Variants in HEPACAM2 observed in about 807,000 individuals in gnomAD.
HEPACAM2 encodes HEPACAM family member 2.
HEPACAM2 carries 49 observed loss-of-function variants against 49.6 expected under a neutral mutation model. The ratio of observed to expected loss-of-function variants is 0.99; its 90% CI spans 0.78 to 1.25. HEPACAM2 has a LOEUF of 1.25. HEPACAM2 is among the 50% of genes most tolerant of loss of function. The pLI is 0.00. For synonymous variants in HEPACAM2, 197 were observed against 202.9 expected (o/e 0.97, Z 0.25); for missense variants, 525 against 557.2 (o/e 0.94, Z 0.58).
chr7:93,197,464 T>A, intron 5 of HEPACAM2, 21 bp downstream of exon 5: 1 of 1,581,264 alleles, frequency 6.3e-7, no homozygotes, highest in Non-Finnish European at 8.6e-7. Flanking sequence ...CTTCAATTTT[T>A]TTTTTGTAAT....
At chr7:93,225,464 C>T (rs1317236097) in intron 1 of HEPACAM2, among the ~76,000 whole-genome samples, 1 of 152,026 alleles carries the variant, frequency 6.6e-6, no homozygotes, top group Non-Finnish European at 1.5e-5. Context: ...CAAACTTTAA[C>T]AAAATATAGG....
intron 4 of HEPACAM2, among the ~76,000 whole-genome samples, chr7:93,206,127 T>C (rs1794022614): frequency 6.6e-6 from 1 of 152,098 alleles, no homozygotes; most frequent in Non-Finnish European, 1.5e-5. Context: ...CTTACTGTAG[T>C]ATACTTCTAC....
upstream of HEPACAM2, among the ~76,000 whole-genome samples, chr7:93,229,298 T>A: frequency 6.6e-6 from 1 of 152,226 alleles, no homozygotes; most frequent in Admixed American, 6.5e-5. Flanking sequence ...AGCCTTGATC[T>A]ATCTTATATG....
intron 8 of HEPACAM2, among the ~76,000 whole-genome samples, chr7:93,195,015 A>T (rs867443724): frequency 5.3e-5 from 8 of 149,740 alleles, no homozygotes; most frequent in Non-Finnish European, 1.2e-4. Context: ...ATAAAGATGT[A>T]TACTTGCATA....
chr7:93,189,267 T>C lies in HEPACAM2; in HGVS notation c.1389A>G (p.Ter463TrpextTer5), dbSNP rs1455660628. 2 of 1,597,016 alleles carry C rather than the reference T, an allele frequency of 1.3e-6. No individual in the cohort carries two copies. The highest frequency in any genetic ancestry group is 8.5e-7 in the Non-Finnish European group (1 of 1,169,860). ...IPAQQQDHPE[*>W] Reference sequence around the variant, plus strand: ...AATGTACTGTTTAGCCCATGAAAGTTCACCTAGTGAAGAGATATACAAAAT... The same window carrying C: ...AATGTACTGTTTAGCCCATGAAAGTCCACCTAGTGAAGAGATATACAAAAT... The change falls in exon 10 of 10, where the codon TGA becomes TGG. Residue 463 changes from the stop codon to tryptophan, a stop_lost. Coordinates refer to ENST00000394468, the MANE Select transcript of HEPACAM2 (RefSeq NM_001039372.4).
At chr7:93,221,752 A>G (rs1036645590) in intron 1 of HEPACAM2, among the ~76,000 whole-genome samples, 24 of 152,208 alleles carry the variant, frequency 1.6e-4, no homozygotes, top group Admixed American at 1.3e-4. Context: ...AAAGAAACAT[A>G]AAGACATGTC....
intron 2 of HEPACAM2, among the ~76,000 whole-genome samples, chr7:93,216,107 G>A (rs186650256): frequency 1.2e-4 from 19 of 152,272 alleles, no homozygotes; most frequent in African/African-American, 3.8e-4. Context: ...TGGGATGGAT[G>A]TGGTGAACTC....
chr7:93,223,923 C>T (rs1255485587), intron 1 of HEPACAM2, among the ~76,000 whole-genome samples: 3 of 152,122 alleles, frequency 2.0e-5, no homozygotes, highest in African/African-American at 7.2e-5. Flanking sequence ...TCTAGGAACA[C>T]ATACTCTCTT....
At chr7:93,205,955 A>G (rs1056283545) in intron 4 of HEPACAM2, among the ~76,000 whole-genome samples, 1 of 152,112 alleles carries the variant, frequency 6.6e-6, no homozygotes, top group African/African-American at 2.4e-5. Flanking sequence ...TGTACAGGTC[A>G]AACAGGTTTT....
At chr7:93,206,826 C>T (rs1439332450) in intron 4 of HEPACAM2, among the ~76,000 whole-genome samples, 2 of 152,000 alleles carry the variant, frequency 1.3e-5, no homozygotes, top group East Asian at 1.9e-4. Context: ...CTCCTGGTAC[C>T]AAGGAGTACC....
intron 3 of HEPACAM2, among the ~76,000 whole-genome samples, chr7:93,210,917 T>C (rs1313550991): frequency 6.6e-6 from 1 of 151,994 alleles, no homozygotes; most frequent in Non-Finnish European, 1.5e-5. Flanking sequence ...GCCAAGATTC[T>C]TTCTAACCCC....
intron 3 of HEPACAM2, among the ~76,000 whole-genome samples, chr7:93,214,761 G>A (rs1794259963): frequency 6.6e-6 from 1 of 152,170 alleles, no homozygotes; most frequent in Non-Finnish European, 1.5e-5. Context: ...ACTTGCACAT[G>A]TTGAAAGAAA....
At chr7:93,226,837 CATT>C (rs1235487052), upstream of HEPACAM2, among the ~76,000 whole-genome samples, 1 of 151,750 alleles carries the variant, frequency 6.6e-6, no homozygotes, top group African/African-American at 2.4e-5. Flanking sequence ...AGAACTATGC[CATT>C]ATTATTTTAA....
At chr7:93,195,949 C>T in intron 7 of HEPACAM2, 48 bp from the exon 8 acceptor site, 1 of 1,372,668 alleles carries the variant, frequency 7.3e-7, no homozygotes, top group Non-Finnish European at 1.0e-6. Context: ...CCTTGATTTG[C>T]TGTTGTTTTT....
chr7:93,224,943 T>C (rs1009800969), intron 1 of HEPACAM2, among the ~76,000 whole-genome samples: 1 of 152,160 alleles, frequency 6.6e-6, no homozygotes, highest in Non-Finnish European at 1.5e-5. Flanking sequence ...AAAGCAAAGA[T>C]TGCCAAGTCA....
rs764179545 is a variant in HEPACAM2 at position 93,215,524 on chromosome 7, A to G, written c.592T>C (p.Ser198Pro). 4.3e-6 allele frequency: 7 copies of G among 1,613,752 alleles called. No individual in the cohort carries two copies. Among genetic ancestry groups the G allele is most frequent in the Non-Finnish European group, 5.9e-6 (7 of 1,179,830 alleles). ...PVHTSSTYSF[S>P]PQNNTLHIAP... ...ATATGAAGGGTATTGTTTTGGGGAG[A>G]AAAGGAGTAGGTGGAGCTGGTGTGG... is the stretch of plus-strand genomic sequence containing the variant. Residue 198 changes from serine to proline, a missense_variant, in exon 3 of 10, where the codon TCT (serine) becomes CCT (proline). Transcript: ENST00000394468.
At chr7:93,226,085 A>T in intron 1 of HEPACAM2, 1 of 536,268 alleles carries the variant, frequency 1.9e-6, no homozygotes, top group African/African-American at 1.9e-5. Flanking sequence ...TAAACTCTAA[A>T]AGAAGAAATT....
rs750961068 is a variant in HEPACAM2 at position 93,215,552 on chromosome 7, A to G, written c.564T>C (p.Pro188=). The stretch of plus-strand genomic sequence containing the variant: ...AGGAGTAGGTGGAGCTGGTGTGGAC[A>G]GGTCTCCCATTTTTTAGCCATTGGT... ...LAYQWLKNGR[P]VHTSSTYSFS... is the part of the protein sequence containing the mutation. The change falls in exon 3 of 10, where the codon CCT becomes CCC. Residue 188 remains proline (P), a synonymous_variant. Coordinates refer to ENST00000394468, the MANE Select transcript of HEPACAM2 (RefSeq NM_001039372.4). 1.4e-5 allele frequency: 22 copies of G among 1,613,670 alleles called. No individual in the cohort carries two copies. The highest frequency in any genetic ancestry group is 1.3e-5 in the Non-Finnish European group (15 of 1,179,838).
intron 4 of HEPACAM2, among the ~76,000 whole-genome samples, chr7:93,206,408 T>G (rs916023558): frequency 1.8e-4 from 28 of 152,098 alleles, no homozygotes; most frequent in Non-Finnish European, 1.0e-4. Context: ...TTATTCTTAG[T>G]GCGTACTCCA....
Sources: gnomAD v4.1 joint callset for allele counts (sites outside exome capture counted in the v4.1 genomes callset) on GRCh38, gnomAD v4.1.1 for gene constraint, MANE v1.5 for transcripts, NCBI Gene and HGNC (gene_info 2026-07-23, HGNC 2026-07-21) for gene names.